Variants in PRKD3 observed in about 807,000 individuals in gnomAD.
PRKD3 encodes the protein serine/threonine-protein kinase D3.
In PRKD3, 47 loss-of-function variants were observed where a neutral mutation model predicts 99.2. The observed-to-expected ratio is 0.47, with a 90% confidence interval of 0.38 to 0.60. The LOEUF (loss-of-function observed/expected upper bound fraction) is 0.60, where lower values mean the gene tolerates loss of function less well. Among genes scored for constraint, PRKD3 ranks in the 20% least tolerant of loss-of-function variants. The pLI, the probability that PRKD3 is intolerant of heterozygous loss-of-function variation, is 0.00. For missense variants in PRKD3, 1,019 were observed against 1,088.4 expected (o/e 0.94, Z 0.90); for synonymous variants, 392 against 355.4 (o/e 1.10, Z -1.16).
At chr2:37,290,120 G>A (rs960661003) in intron 4 of PRKD3, among the ~76,000 whole-genome samples, 7 of 152,148 alleles carry the variant, frequency 4.6e-5, no homozygotes, top group African/African-American at 1.7e-4. Context: ...AGAAAAAGTT[G>A]ATTGACCCTC....
intron 9 of PRKD3, among the ~76,000 whole-genome samples, chr2:37,277,306 A>G (rs1669621102): frequency 6.6e-6 from 1 of 152,212 alleles, no homozygotes; most frequent in Admixed American, 6.5e-5. Context: ...GAAACTAAGT[A>G]ACTTTCCCAA....
At chr2:37,254,586 A>G (rs1318804737) in intron 17 of PRKD3, among the ~76,000 whole-genome samples, 1 of 152,196 alleles carries the variant, frequency 6.6e-6, no homozygotes, top group Non-Finnish European at 1.5e-5. Context: ...GCTGTGTGAT[A>G]CTGGGTCAGT....
intron 2 of PRKD3, among the ~76,000 whole-genome samples, chr2:37,298,763 T>C (rs900615026): frequency 9.8e-5 from 15 of 152,370 alleles, no homozygotes; most frequent in Middle Eastern, 3.4e-3. Flanking sequence ...CTGATTTCTG[T>C]ATGTTGATTT....
chr2:37,261,153 C>T (rs770605177), intron 14 of PRKD3, among the ~76,000 whole-genome samples: 2 of 152,176 alleles, frequency 1.3e-5, no homozygotes, highest in Non-Finnish European at 2.9e-5. Flanking sequence ...ATATGTTCTA[C>T]TGAATGAACC....
chr2:37,323,577 G>C (rs917269016), intron 1 of PRKD3, among the ~76,000 whole-genome samples: 1 of 152,054 alleles, frequency 6.6e-6, no homozygotes, highest in Admixed American at 6.6e-5. Flanking sequence ...AACTGGCCTA[G>C]ATCTCAGTCG....
chr2:37,286,389 C>CAT lies in PRKD3; in HGVS notation c.718-22_718-21dup. 1 of 1,601,080 alleles carries CAT rather than the reference C, an allele frequency of 6.2e-7. No individual in the cohort carries two copies. The highest frequency in any genetic ancestry group is 8.6e-7 in the Non-Finnish European group (1 of 1,169,300). On this transcript the variant is annotated intron_variant, in intron 5 of 18. Coordinates refer to ENST00000234179, the MANE Select transcript of PRKD3 (RefSeq NM_005813.6). ...ATGTGACTATAACATAAGTAATTTT[C>CAT]ATAAGTGTAAGTCAATATTAAAAAC...
chr2:37,287,032 A>T (rs113655608), intron 5 of PRKD3, among the ~76,000 whole-genome samples: 1 of 151,878 alleles, frequency 6.6e-6, no homozygotes, highest in Non-Finnish European at 1.5e-5. Context: ...GGAGTTCAAG[A>T]CCAGCCTGAC....
chr2:37,270,631 A>G (rs1669186404), intron 12 of PRKD3, among the ~76,000 whole-genome samples: 1 of 152,204 alleles, frequency 6.6e-6, no homozygotes, highest in Non-Finnish European at 1.5e-5. Flanking sequence ...CACTTAGCAG[A>G]CCCACACTTA....
At chr2:37,264,906 G>T (rs1055074341) in intron 14 of PRKD3, among the ~76,000 whole-genome samples, 2 of 152,166 alleles carry the variant, frequency 1.3e-5, no homozygotes, top group African/African-American at 4.8e-5. Context: ...GAGCTCAAGA[G>T]ATTGGATACT....
At chr2:37,304,521 G>A (rs766698919) in intron 2 of PRKD3, among the ~76,000 whole-genome samples, 3 of 151,898 alleles carry the variant, frequency 2.0e-5, no homozygotes, top group East Asian at 1.9e-4. Flanking sequence ...CAGATGGATC[G>A]CCTGAGGACA....
intron 14 of PRKD3, 141 bp from the exon 15 acceptor site, chr2:37,260,525 T>A: frequency 6.2e-6 from 5 of 800,556 alleles, no homozygotes; most frequent in Middle Eastern, 3.3e-4. Flanking sequence ...AAAATTACAA[T>A]CAATGAAAAG....
At chr2:37,311,217 T>A (rs900858846) in intron 2 of PRKD3, among the ~76,000 whole-genome samples, 3 of 152,180 alleles carry the variant, frequency 2.0e-5, no homozygotes, top group African/African-American at 7.2e-5. Context: ...AGTACTACAG[T>A]TGGTGATGGC....
intron 2 of PRKD3, among the ~76,000 whole-genome samples, chr2:37,300,110 G>A (rs1188609395): frequency 6.6e-6 from 1 of 152,128 alleles, no homozygotes; most frequent in African/African-American, 2.4e-5. Flanking sequence ...CCACAACAGG[G>A]AATCAACCTA....
rs575279188 is a variant in PRKD3 at position 37,292,251 on chromosome 2, C to G, written c.427+882G>C. Among the ~76,000 whole-genome samples the G allele has an allele frequency of 9.9e-5, 15 of 152,138 alleles. No individual in the cohort carries two copies. The South Asian group carries it at 3.1e-3, about 32-fold the overall frequency. On this transcript the variant is annotated intron_variant, in intron 3 of 18. Transcript: ENST00000234179. ...GAATTTCAGTGTAACTGTTTTATTT[C>G]TTTGACTCAGAGAAGAGTATATTTC... is the stretch of plus-strand genomic sequence containing the variant.
At position 37,269,984 on chromosome 2, in the gene PRKD3, T is replaced by G. The variant is rs555376947; in HGVS notation, c.1705-297A>C. ...GGCTCACGCCTGTAATCCCAGCACT[T>G]TGGGAGGCTGAGGCAGGTGGATCAC... On this transcript the variant is annotated intron_variant, in intron 12 of 18. Coordinates refer to ENST00000234179, the MANE Select transcript of PRKD3 (RefSeq NM_005813.6). 3.9e-5 allele frequency among the ~76,000 whole-genome samples: 6 copies of G among 152,296 alleles called. No homozygotes were observed. The East Asian group carries it at 1.2e-3, about 29-fold the overall frequency.
intron 5 of PRKD3, among the ~76,000 whole-genome samples, chr2:37,287,247 AAAAAAAAAAAAAAAAAAAAAG>A (rs1670149041): frequency 1.6e-5 from 2 of 127,114 alleles, no homozygotes; most frequent in African/African-American, 6.1e-5. Context: ...AAAAAAAAAA[AAAAAAAAAAAAAAAAAAAAAG>A]AAAAAGAAAA....
In PRKD3 at chr2:37,268,093, G is replaced by A. The variant is rs965083472; in HGVS notation, c.1778-557C>T. 5.4e-5 allele frequency: 16 copies of A among 293,988 alleles called. No homozygotes were observed. In the Admixed American group the frequency reaches 7.7e-4, roughly 14 times the overall value. The allele number at this position is 293,988 out of a possible 1,614,324, so 18.2% of individuals were successfully genotyped here. A position where few individuals can be genotyped will look rare whatever the true frequency, so the allele number is the denominator to read the frequency against. On this transcript the variant is annotated intron_variant, in intron 13 of 18. Transcript: ENST00000234179. Reference sequence around the variant, plus strand: ...CAAATTAACTAGTTATACCTATTATGTACTAGGTATGCCTTTAGATGCTAC... The same window carrying A: ...CAAATTAACTAGTTATACCTATTATATACTAGGTATGCCTTTAGATGCTAC...
In PRKD3 at chr2:37,289,490, G is replaced by A. The variant is rs1670288985; in HGVS notation, c.583C>T (p.Arg195Ter). 1 of 1,612,886 alleles carries A rather than the reference G, an allele frequency of 6.2e-7. No individual in the cohort carries two copies. Among genetic ancestry groups the A allele is most frequent in the South Asian group, 1.1e-5 (1 of 91,002 alleles). Residue 195 changes from arginine (R) to a stop codon, truncating the protein, a stop_gained, in exon 5 of 19, where the codon CGA (arginine) becomes TGA (stop). Transcript: ENST00000234179. LOFTEE classifies it high-confidence loss of function. Reference protein sequence around the residue: ...CEGCGLNYHKRCAFKIPNNCS... With the variant: ...CEGCGLNYHK ...TTATTTGGAATCTTGAAGGCACATC[G>A]TTTATGGTAATTTAATCCACAGCCT...
At chr2:37,304,047 G>A (rs1170736304) in intron 2 of PRKD3, among the ~76,000 whole-genome samples, 13 of 151,960 alleles carry the variant, frequency 8.6e-5, no homozygotes, top group South Asian at 8.3e-4. Context: ...GAATACCAAC[G>A]TCATTTTAAA....
Sources: allele counts gnomAD v4.1 joint callset (sites outside exome capture counted in the v4.1 genomes callset), GRCh38; gene constraint gnomAD v4.1.1; transcripts MANE v1.5; gene names NCBI Gene and HGNC (gene_info 2026-07-23, HGNC 2026-07-21).